HMGCL: variants seen among roughly 807,000 people sequenced by gnomAD.
HMGCL encodes the protein 3-hydroxy-3-methylglutaryl-CoA lyase.
Under a neutral mutation model 37.3 loss-of-function variants are expected in HMGCL, and 26 were observed. The ratio of observed to expected loss-of-function variants is 0.70; its 90% CI spans 0.51 to 0.97. The LOEUF is 0.97. HMGCL is among the 50% of genes least tolerant of loss of function. The pLI is 0.00. For synonymous variants in HMGCL, 151 were observed against 148.0 expected (o/e 1.02, Z -0.15); for missense variants, 379 against 398.1 (o/e 0.95, Z 0.41).
At chr1:23,818,315 C>T (rs989157907) in intron 2 of HMGCL, among the ~76,000 whole-genome samples, 1 of 152,060 alleles carries the variant, frequency 6.6e-6, no homozygotes, top group African/African-American at 2.4e-5. Flanking sequence ...AAAAATTAGC[C>T]AGGCGTGGTG....
At chr1:23,813,236 T>TA (rs1215471056) in intron 5 of HMGCL, among the ~76,000 whole-genome samples, 1 of 144,908 alleles carries the variant, frequency 6.9e-6, no homozygotes, top group Admixed American at 6.9e-5. Context: ...TGTTTTTTTT[T>TA]TTTTTTTTTT....
intron 1 of HMGCL, among the ~76,000 whole-genome samples, chr1:23,821,424 G>A (rs1018386183): frequency 1.3e-5 from 2 of 152,118 alleles, no homozygotes; most frequent in African/African-American, 4.8e-5. Context: ...GGGAGGCCAA[G>A]GCAGGCAGAT....
chr1:23,819,192 T>C (rs1279599600), intron 2 of HMGCL, among the ~76,000 whole-genome samples: 1 of 152,056 alleles, frequency 6.6e-6, no homozygotes, highest in Non-Finnish European at 1.5e-5. Flanking sequence ...CAGCCCAATA[T>C]GTCACTAGTC....
At chr1:23,820,266 C>T (rs1638687969) in intron 2 of HMGCL, among the ~76,000 whole-genome samples, 1 of 152,000 alleles carries the variant, frequency 6.6e-6, no homozygotes, top group Admixed American at 6.6e-5. Flanking sequence ...AGCCATCCTC[C>T]CACCTCAGCC....
chr1:23,810,698 A>G, intron 6 of HMGCL, 38 bp downstream of exon 6: 1 of 1,595,422 alleles, frequency 6.3e-7, no homozygotes, highest in Non-Finnish European at 8.6e-7. Flanking sequence ...AAGGTGGCCA[A>G]CCCTCACCAA....
chr1:23,824,549 TACAGTTATA>T (rs1638781508), intron 1 of HMGCL, among the ~76,000 whole-genome samples: 1 of 152,170 alleles, frequency 6.6e-6, no homozygotes. Flanking sequence ...TTTCCCTCTA[TACAGTTATA>T]ACTCCTTCTC....
At chr1:23,817,186 G>T (rs2148423993) in intron 3 of HMGCL, among the ~76,000 whole-genome samples, 1 of 152,280 alleles carries the variant, frequency 6.6e-6, no homozygotes, top group African/African-American at 2.4e-5. Flanking sequence ...AGAAACCACA[G>T]ACAGGCATAG....
rs78753807 is a variant in HMGCL at position 23,822,233 on chromosome 1, G to A, written c.61-1640C>T. On this transcript the variant is annotated intron_variant, in intron 1 of 8. Transcript: ENST00000374490. ...GTCCTGGACTTTTCGGGGTATGGGC[G>A]AGATGCAGGAGGGCTCTCTTCTGTT... Among the ~76,000 whole-genome samples the A allele has an allele frequency of 5.0e-3, 764 of 152,208 alleles. 33 individuals are homozygous for A. In the East Asian group the frequency reaches 0.098, roughly 20 times the overall value.
intron 1 of HMGCL, among the ~76,000 whole-genome samples, chr1:23,820,968 T>G (rs1638708339): frequency 6.6e-6 from 1 of 152,246 alleles, no homozygotes; most frequent in Admixed American, 6.5e-5. Flanking sequence ...TGTACCCTAC[T>G]GCATAAGCCA....
intron 2 of HMGCL, among the ~76,000 whole-genome samples, chr1:23,818,289 T>A (rs1216969750): frequency 6.6e-6 from 1 of 152,042 alleles, no homozygotes; most frequent in East Asian, 1.9e-4. Context: ...CGAAACCCCC[T>A]CTCTACAAAA....
rs570351527 is a variant in HMGCL at position 23,824,417 on chromosome 1, G to A, written c.60+939C>T. 9.2e-5 allele frequency among the ~76,000 whole-genome samples: 14 copies of A among 152,280 alleles called. 1 individual carries two copies. The South Asian group carries it at 2.1e-3, about 23-fold the overall frequency. On this transcript the variant is annotated intron_variant, in intron 1 of 8. Transcript: ENST00000374490. ...AAAGCTTATTAATATCTACTATTGC[G>A]TTTAACTTTCCAAGTTGGAATTGCC...
Position 23,806,020 on chromosome 1 carries a change from C to T in HMGCL, c.751-1495G>A, listed in dbSNP as rs1013145367. Among the ~76,000 whole-genome samples, 22 of 152,030 alleles carry T rather than the reference C, an allele frequency of 1.4e-4. No homozygotes were observed. Among genetic ancestry groups the T allele is most frequent in the Admixed American group, 1.1e-3 (17 of 15,270 alleles). ...GCACTGGCGCCATCTCAGCTCACTG[C>T]AAATCACTGCAACCTCCACCTCCCG... On this transcript the variant is annotated intron_variant, in intron 7 of 8. Transcript: ENST00000374490. The surrounding 1 kb of genome is among the most constrained non-coding windows in gnomAD (Gnocchi z 4.0).
chr1:23,805,218 G>T (rs911689384), intron 7 of HMGCL, among the ~76,000 whole-genome samples: 2 of 152,068 alleles, frequency 1.3e-5, no homozygotes, highest in Non-Finnish European at 2.9e-5. Context: ...ACCTTGGCGT[G>T]AGGCCCATTC....
At position 23,802,360 on chromosome 1, in the gene HMGCL, C is replaced by G; in HGVS notation, c.*103G>C. On this transcript the variant is annotated 3_prime_UTR_variant, in exon 9 of 9. Coordinates refer to ENST00000374490, the MANE Select transcript of HMGCL (RefSeq NM_000191.3). ...CTGTGTAGAGCTGGCTATGAGGTAC[C>G]TGCACCATTTAACCTATTCTCATTT... 2.4e-6 allele frequency: 2 copies of G among 825,682 alleles called. No individual in the cohort carries two copies. Among genetic ancestry groups the G allele is most frequent in the Non-Finnish European group, 4.3e-6 (2 of 467,806 alleles). 51.1% of individuals were successfully genotyped at this position (825,682 alleles called of 1,614,324 possible).
In HMGCL at chr1:23,825,123, C is replaced by T. The variant is rs528421427; in HGVS notation, c.60+233G>A. Among the ~76,000 whole-genome samples the T allele has an allele frequency of 1.2e-4, 18 of 152,292 alleles. No homozygotes were observed. In the South Asian group the frequency reaches 1.9e-3, roughly 16 times the overall value. On this transcript the variant is annotated intron_variant, in intron 1 of 8. Transcript: ENST00000374490. ...GAATCAGGGCACCTAGGATGGCGTC[C>T]CAGGTCTCCATGACCCAGACAAGTC... is the stretch of plus-strand genomic sequence containing the variant.
intron 7 of HMGCL, chr1:23,807,194 A>G (rs757663976): frequency 1.9e-6 from 1 of 519,056 alleles, no homozygotes; most frequent in South Asian, 1.4e-5. Context: ...CTGGCAAGGC[A>G]TAGGAGAGGA....
chr1:23,819,618 A>G (rs1350914532), intron 2 of HMGCL, among the ~76,000 whole-genome samples: 1 of 152,098 alleles, frequency 6.6e-6, no homozygotes, highest in African/African-American at 2.4e-5. Context: ...AATCCTAGCT[A>G]TTCGGGAGGC....
intron 1 of HMGCL, among the ~76,000 whole-genome samples, chr1:23,821,574 G>A (rs534480121): frequency 6.6e-6 from 1 of 151,904 alleles, no homozygotes; most frequent in Non-Finnish European, 1.5e-5. Context: ...TGGGAGAATC[G>A]CTTGAGCCCA....
At chr1:23,813,163 TAC>T (rs977712951) in intron 5 of HMGCL, among the ~76,000 whole-genome samples, 4 of 151,130 alleles carry the variant, frequency 2.6e-5, no homozygotes, top group Non-Finnish European at 4.4e-5. Context: ...GTGCTGGGAT[TAC>T]AGGCATGAGC....
Sources: allele counts gnomAD v4.1 joint callset (sites outside exome capture counted in the v4.1 genomes callset), GRCh38; gene constraint gnomAD v4.1.1; non-coding constraint Gnocchi (gnomAD v3.1); transcripts MANE v1.5; gene names NCBI Gene and HGNC (gene_info 2026-07-23, HGNC 2026-07-21).